The following GRIA4 variants were observed in gnomAD, a reference collection of about 807,000 sequenced individuals.
GRIA4 encodes the protein glutamate receptor 4.
Under a neutral mutation model 104.0 loss-of-function variants are expected in GRIA4, and 34 were observed. The ratio of observed to expected loss-of-function variants is 0.33; its 90% CI spans 0.25 to 0.44. GRIA4 has a LOEUF of 0.44. GRIA4 is among the 20% of genes least tolerant of loss of function. The pLI is 1.00. For synonymous variants in GRIA4, 386 were observed against 381.9 expected (o/e 1.01, Z -0.13); for missense variants, 750 against 1,096.5 (o/e 0.68, Z 4.46).
intron 3 of GRIA4, among the ~76,000 whole-genome samples, chr11:105,750,766 C>CA (rs766142909): frequency 6.6e-6 from 1 of 151,942 alleles, no homozygotes; most frequent in Non-Finnish European, 1.5e-5. Flanking sequence ...TTTATAGAGT[C>CA]AGTTGTTCAA....
intron 14 of GRIA4, among the ~76,000 whole-genome samples, chr11:105,966,958 G>C (rs1247627049): frequency 6.6e-6 from 1 of 152,078 alleles, no homozygotes; most frequent in African/African-American, 2.4e-5. Flanking sequence ...CTGTCTTAAG[G>C]AGTAATAACT....
Position 105,905,420 on chromosome 11 carries a change from T to C in GRIA4, c.1158+119T>C. 3 of 603,540 alleles carry C rather than the reference T, an allele frequency of 5.0e-6. No homozygotes were observed. In the South Asian group the frequency reaches 6.2e-5, roughly 12 times the overall value. The allele number at this position is 603,540 out of a possible 1,614,324, so 37.4% of individuals were successfully genotyped here. A position where few individuals can be genotyped will look rare whatever the true frequency, so the allele number is the denominator to read the frequency against. On this transcript the variant is annotated intron_variant, in intron 9 of 16. Coordinates refer to ENST00000282499, the MANE Select transcript of GRIA4 (RefSeq NM_000829.4). ...TCCTTTTTTTGTGAGTACTTACAAA[T>C]ACTTTAGTACTTTCTTTATAATCAA...
In GRIA4 at chr11:105,709,652, C is replaced by T. The variant is rs1445621; in HGVS notation, c.248-43329C>T. Among the ~76,000 whole-genome samples, 1,062 of 152,084 alleles carry T rather than the reference C, an allele frequency of 7.0e-3. 20 individuals carry two copies. Among genetic ancestry groups the T allele is most frequent in the African/African-American group, 0.024 (997 of 41,488 alleles). On this transcript the variant is annotated intron_variant, in intron 3 of 16. Coordinates refer to ENST00000282499, the MANE Select transcript of GRIA4 (RefSeq NM_000829.4). Reference sequence around the variant, plus strand: ...TGAGAAGGGTACAGCATCACTTCTGCGGTATTTCTGCCACATGCAAAAACA... The same window carrying T: ...TGAGAAGGGTACAGCATCACTTCTGTGGTATTTCTGCCACATGCAAAAACA...
At chr11:105,701,525 G>A (rs1371056573) in intron 3 of GRIA4, among the ~76,000 whole-genome samples, 1 of 152,018 alleles carries the variant, frequency 6.6e-6, no homozygotes, top group Non-Finnish European at 1.5e-5. Flanking sequence ...ACTACGTATT[G>A]ATCAAGAATG....
rs753480083 is a variant in GRIA4 at position 105,610,995 on chromosome 11, A to C, written c.-3A>C. 6.2e-7 allele frequency: 1 copy of C among 1,605,458 alleles called. No homozygotes were observed. The highest frequency in any genetic ancestry group is 1.1e-5 in the South Asian group (1 of 90,886). On this transcript the variant is annotated 5_prime_UTR_variant, in exon 2 of 17. Transcript: ENST00000282499. ...GCGCGCGCCAGGGAGAGGAGAAAAG[A>C]AGATGAGGATTATTTCCAGACAGAT...
intron 14 of GRIA4, chr11:105,965,952 C>T: frequency 6.3e-7 from 1 of 1,593,964 alleles, no homozygotes; most frequent in Non-Finnish European, 8.6e-7. Context: ...TCAAGAAATG[C>T]TGTTAACCTC....
At chr11:105,780,914 C>T (rs1412605261) in intron 4 of GRIA4, among the ~76,000 whole-genome samples, 1 of 152,126 alleles carries the variant, frequency 6.6e-6, no homozygotes, top group Non-Finnish European at 1.5e-5. Context: ...TAGCAGGATA[C>T]TGTTGTGTCA....
intron 3 of GRIA4, among the ~76,000 whole-genome samples, chr11:105,659,595 G>A (rs776550162): frequency 2.0e-5 from 3 of 151,988 alleles, no homozygotes; most frequent in Middle Eastern, 3.4e-3. Flanking sequence ...TATGTTTATA[G>A]ATGGTCCATA....
chr11:105,838,188 G>A (rs559324430), intron 4 of GRIA4, among the ~76,000 whole-genome samples: 3 of 152,150 alleles, frequency 2.0e-5, no homozygotes, highest in Non-Finnish European at 2.9e-5. Context: ...TTCTCTTTGT[G>A]TGAGTTAAAA....
chr11:105,699,338 T>C (rs893130072), intron 3 of GRIA4, among the ~76,000 whole-genome samples: 1 of 152,116 alleles, frequency 6.6e-6, no homozygotes, highest in Non-Finnish European at 1.5e-5. Flanking sequence ...ACTGATAGAA[T>C]TATTCAGGAC....
chr11:105,755,837 A>G (rs944753288), intron 4 of GRIA4, among the ~76,000 whole-genome samples: 1 of 152,136 alleles, frequency 6.6e-6, no homozygotes, highest in Non-Finnish European at 1.5e-5. Flanking sequence ...GCCCTTGGAC[A>G]TCGGTGGTCT....
Position 105,926,900 on chromosome 11 carries a change from T to C in GRIA4, c.2007T>C (p.Tyr669=), listed in dbSNP as rs1292185900. The C allele has an allele frequency of 2.5e-6, 4 of 1,611,744 alleles. No homozygotes were observed. The highest frequency in any genetic ancestry group is 2.7e-5 in the African/African-American group (2 of 74,842). The change falls in exon 13 of 17, where the codon TAT becomes TAC. Residue 669 remains tyrosine, a synonymous_variant. Transcript: ENST00000282499. The part of the protein sequence containing the change: ...EDLAKQTEIA[Y]GTLDSGSTKE... ...TGGCCAAACAAACAGAAATTGCCTA[T>C]GGAACACTGGATTCAGGATCAACAA...
intron 4 of GRIA4, among the ~76,000 whole-genome samples, chr11:105,850,654 T>C (rs1025019501): frequency 6.6e-6 from 1 of 152,172 alleles, no homozygotes; most frequent in African/African-American, 2.4e-5. Flanking sequence ...ACTGTGTTCA[T>C]TATTGTAATC....
chr11:105,646,313 G>A (rs550505691), intron 3 of GRIA4, among the ~76,000 whole-genome samples: 1 of 152,272 alleles, frequency 6.6e-6, no homozygotes, highest in African/African-American at 2.4e-5. Context: ...AGTAATTCAA[G>A]ATGGACGTGG....
chr11:105,623,306 A>G (rs1463211025), intron 3 of GRIA4, among the ~76,000 whole-genome samples: 1 of 151,828 alleles, frequency 6.6e-6, no homozygotes, highest in Non-Finnish European at 1.5e-5. Context: ...TGCATTCCCA[A>G]TTGGCACTAC....
chr11:105,872,546 A>G (rs1371375733), intron 5 of GRIA4, among the ~76,000 whole-genome samples: 2 of 152,140 alleles, frequency 1.3e-5, no homozygotes, highest in Non-Finnish European at 2.9e-5. Context: ...ATTTGACGTT[A>G]AAATTCAGCA....
At chr11:105,753,712 A>G (rs1213492904) in intron 4 of GRIA4, among the ~76,000 whole-genome samples, 1 of 152,156 alleles carries the variant, frequency 6.6e-6, no homozygotes, top group Non-Finnish European at 1.5e-5. Flanking sequence ...CCAACCAGCT[A>G]TAAATTGGGG....
intron 14 of GRIA4, among the ~76,000 whole-genome samples, chr11:105,947,241 T>A (rs1591476075): frequency 6.6e-6 from 1 of 152,328 alleles, no homozygotes; most frequent in East Asian, 1.9e-4. Flanking sequence ...TAATTTTGAC[T>A]TTCTCTCTCA....
chr11:105,659,374 T>C (rs745855808), intron 3 of GRIA4, among the ~76,000 whole-genome samples: 1 of 151,998 alleles, frequency 6.6e-6, no homozygotes, highest in Non-Finnish European at 1.5e-5. Flanking sequence ...CTCACTGTTG[T>C]AAAGTGTCTC....
Sources: gnomAD v4.1 joint callset for allele counts (sites outside exome capture counted in the v4.1 genomes callset) on GRCh38, gnomAD v4.1.1 for gene constraint, MANE v1.5 for transcripts, NCBI Gene and HGNC (gene_info 2026-07-23, HGNC 2026-07-21) for gene names.